CAMK2A: variants seen among roughly 807,000 people sequenced by gnomAD.
The protein encoded by CAMK2A is calcium/calmodulin-dependent protein kinase type II subunit alpha.
Under a neutral mutation model 79.2 loss-of-function variants are expected in CAMK2A, and 7 were observed. That is an observed-to-expected ratio of 0.09 (90% confidence interval 0.05 to 0.17). CAMK2A has a LOEUF of 0.17. Among genes scored for constraint, CAMK2A ranks in the 10% least tolerant of loss-of-function variants. The pLI is 1.00. For missense variants in CAMK2A, 214 were observed against 646.4 expected (o/e 0.33, Z 7.25); for synonymous variants, 242 against 251.7 (o/e 0.96, Z 0.36).
At chr5:150,268,904 C>T (rs964066367) in intron 2 of CAMK2A, among the ~76,000 whole-genome samples, 4 of 152,108 alleles carry the variant, frequency 2.6e-5, no homozygotes, top group Non-Finnish European at 5.9e-5. Flanking sequence ...GCTGGGACTA[C>T]AGGCACCCGC....
At chr5:150,283,896 C>T (rs749219064) in intron 1 of CAMK2A, among the ~76,000 whole-genome samples, 1 of 152,152 alleles carries the variant, frequency 6.6e-6, no homozygotes, top group Non-Finnish European at 1.5e-5. Flanking sequence ...CCTAAGACAC[C>T]AAGGCCCTCA....
Position 150,289,752 on chromosome 5 carries a change from G to C in CAMK2A, c.-127C>G. On this transcript the variant is annotated 5_prime_UTR_variant, in exon 1 of 19. Transcript: ENST00000671881. ...CCGAGTGCAAACAGAGAACCGGTTT[G>C]ACTGACGAGCCCGGGGCTTCTGAGC... 1 of 688,926 alleles carries C rather than the reference G, an allele frequency of 1.5e-6. No homozygotes were observed. The highest frequency in any genetic ancestry group is 2.5e-6 in the Non-Finnish European group (1 of 402,070). 42.7% of individuals were successfully genotyped at this position (688,926 alleles called of 1,614,324 possible).
chr5:150,266,125 C>T (rs562563329), intron 2 of CAMK2A, among the ~76,000 whole-genome samples: 1 of 152,230 alleles, frequency 6.6e-6, no homozygotes, highest in Admixed American at 6.5e-5. Context: ...CAGGGGCCCA[C>T]CCAGAGCTCT....
rs559039491 is a variant in CAMK2A, at chr5:150,231,454, A to G, written c.1067-74T>C. The G allele has an allele frequency of 2.0e-4, 134 of 658,986 alleles. No individual in the cohort carries two copies. The South Asian group carries it at 6.5e-3, about 32-fold the overall frequency. 40.8% of individuals were successfully genotyped at this position (658,986 alleles called of 1,614,324 possible). ...AATAATAATAATAATAGTGATGGTA[A>G]TGAAGCACCAACTACCATTTCTTGA... On this transcript the variant is annotated intron_variant, in intron 15 of 18. Coordinates refer to ENST00000671881, the MANE Select transcript of CAMK2A (RefSeq NM_015981.4).
intron 16 of CAMK2A, among the ~76,000 whole-genome samples, chr5:150,229,310 C>G (rs930995964): frequency 6.6e-6 from 1 of 152,212 alleles, no homozygotes; most frequent in Non-Finnish European, 1.5e-5. Context: ...TGTGCTCAGA[C>G]CAAACGGGAT....
At chr5:150,243,752 A>G (rs993716933) in intron 13 of CAMK2A, among the ~76,000 whole-genome samples, 1 of 152,330 alleles carries the variant, frequency 6.6e-6, no homozygotes, top group South Asian at 2.1e-4. Flanking sequence ...CCTCACCAAT[A>G]GGCTTAGGAG....
At chr5:150,243,726 C>T (rs1312327096) in intron 13 of CAMK2A, among the ~76,000 whole-genome samples, 1 of 152,232 alleles carries the variant, frequency 6.6e-6, no homozygotes, top group Non-Finnish European at 1.5e-5. Context: ...TCTCAGGGCG[C>T]ATTGTATTAG....
chr5:150,255,588 G>T (rs1248612272), intron 6 of CAMK2A, among the ~76,000 whole-genome samples: 1 of 152,242 alleles, frequency 6.6e-6, no homozygotes, highest in Non-Finnish European at 1.5e-5. Flanking sequence ...GCAGAACTGA[G>T]GTTCAGGGCA....
At chr5:150,225,113 T>TA (rs1198782646) in intron 17 of CAMK2A, among the ~76,000 whole-genome samples, 286 of 86,344 alleles carry the variant, frequency 3.3e-3, no homozygotes, top group African/African-American at 7.9e-3. Flanking sequence ...TAGATAAAAT[T>TA]AAAAAAAAAA....
Position 150,222,729 on chromosome 5 carries a change from G to C in CAMK2A, c.1467-16C>G, listed in dbSNP as rs773710265. On this transcript the variant is annotated splice_polypyrimidine_tract_variant and intron_variant, in intron 18 of 18. Transcript: ENST00000671881. ...GGTCCCTCAGCTGTAAGACACACAC[G>C]GGGTGCTTCTCAGGGCATGGTGTTT... 1.2e-6 allele frequency: 2 copies of C among 1,613,934 alleles called. No individual in the cohort carries two copies. Among genetic ancestry groups the C allele is most frequent in the South Asian group, 1.1e-5 (1 of 91,068 alleles).
intron 6 of CAMK2A, among the ~76,000 whole-genome samples, chr5:150,255,479 G>A (rs909930029): frequency 2.0e-5 from 3 of 152,238 alleles, no homozygotes; most frequent in African/African-American, 4.8e-5. Context: ...GGCAGGGGTG[G>A]GTACACCCTG....
rs61634489 is a variant in CAMK2A at position 150,262,210 on chromosome 5, C to G, written c.217+2746G>C. Among the ~76,000 whole-genome samples the G allele has an allele frequency of 9.4e-3, 1,436 of 152,290 alleles. 25 individuals are homozygous for G. The highest frequency in any genetic ancestry group is 0.033 in the African/African-American group (1,387 of 41,558). The stretch of plus-strand genomic sequence containing the variant: ...CCTGGGACCTCACTGACCTGGACCC[C>G]TGGGGAGCAGAGCAGTGGCCACACA... On this transcript the variant is annotated intron_variant, in intron 3 of 18. Coordinates refer to ENST00000671881, the MANE Select transcript of CAMK2A (RefSeq NM_015981.4).
intron 2 of CAMK2A, among the ~76,000 whole-genome samples, chr5:150,272,325 G>A (rs1756780213): frequency 6.6e-6 from 1 of 152,208 alleles, no homozygotes. Flanking sequence ...AGCACTTTGG[G>A]AGGCCGAGGC....
At chr5:150,242,956 C>T (rs972212531) in intron 13 of CAMK2A, among the ~76,000 whole-genome samples, 1 of 152,220 alleles carries the variant, frequency 6.6e-6, no homozygotes, top group African/African-American at 2.4e-5. Context: ...TTGAGCTCCT[C>T]TTCTTCCACA....
intron 1 of CAMK2A, among the ~76,000 whole-genome samples, chr5:150,274,929 A>G (rs540595025): frequency 6.6e-6 from 1 of 152,352 alleles, no homozygotes; most frequent in African/African-American, 2.4e-5. Flanking sequence ...GAGCCCACAA[A>G]AAGATGAGGC....
intron 15 of CAMK2A, 175 bp downstream of exon 15, chr5:150,238,525 G>A (rs950648267): frequency 1.0e-5 from 7 of 681,294 alleles, no homozygotes; most frequent in African/African-American, 5.3e-5. Context: ...TACCACCCCC[G>A]CCCTCCATGG....
At chr5:150,258,470 C>A (rs886192259) in intron 3 of CAMK2A, among the ~76,000 whole-genome samples, 1 of 152,230 alleles carries the variant, frequency 6.6e-6, no homozygotes, top group African/African-American at 2.4e-5. Context: ...TAAAATAATG[C>A]GGCAGTTATG....
chr5:150,259,665 A>G (rs1756218479), intron 3 of CAMK2A, among the ~76,000 whole-genome samples: 1 of 152,142 alleles, frequency 6.6e-6, no homozygotes, highest in African/African-American at 2.4e-5. Flanking sequence ...ATTCCTTTCA[A>G]CATTTTTTTA....
At chr5:150,252,223 C>G (rs1411067888) in intron 7 of CAMK2A, among the ~76,000 whole-genome samples, 158 bp from the exon 8 acceptor site, 1 of 152,130 alleles carries the variant, frequency 6.6e-6, no homozygotes, top group African/African-American at 2.4e-5. Context: ...TTGTGCAACC[C>G]CAGTCGGCCC....
Sources: gnomAD v4.1 joint callset for allele counts (sites outside exome capture counted in the v4.1 genomes callset) on GRCh38, gnomAD v4.1.1 for gene constraint, MANE v1.5 for transcripts, NCBI Gene and HGNC (gene_info 2026-07-23, HGNC 2026-07-21) for gene names.